The following C1GALT1 variants were observed in gnomAD, a reference collection of about 807,000 sequenced individuals.
C1GALT1 encodes the protein core 1 synthase, glycoprotein-N-acetylgalactosamine 3-beta-galactosyltransferase 1, also known as glycoprotein-N-acetylgalactosamine 3-beta-galactosyltransferase 1.
Under a neutral mutation model 31.0 loss-of-function variants are expected in C1GALT1, and 11 were observed. That is an observed-to-expected ratio of 0.36 (90% confidence interval 0.22 to 0.59). The LOEUF (loss-of-function observed/expected upper bound fraction) is 0.59, where lower values mean the gene tolerates loss of function less well. C1GALT1 is among the 20% of genes least tolerant of loss of function. The pLI, the probability that C1GALT1 is intolerant of heterozygous loss-of-function variation, is 0.79. For missense variants in C1GALT1, 424 were observed against 425.2 expected, an observed-to-expected ratio of 1.00 and a Z score of 0.03; for synonymous variants, 175 against 143.6, an observed-to-expected ratio of 1.22 and a Z score of -1.56.
At chr7:7,220,339 T>G (rs1782454857) in intron 1 of C1GALT1, among the ~76,000 whole-genome samples, 1 of 152,166 alleles carries the variant, frequency 6.6e-6, no homozygotes, top group Admixed American at 6.5e-5. Flanking sequence ...TAGAGTTGAG[T>G]GTTCTTTTTA....
chr7:7,159,289 AC>A (rs1780306602), intron 2 of C1GALT1, among the ~76,000 whole-genome samples: 1 of 152,142 alleles, frequency 6.6e-6, no homozygotes, highest in Non-Finnish European at 1.5e-5. Flanking sequence ...AATATTGACC[AC>A]CTTTTCTCTA....
intron 1 of C1GALT1, among the ~76,000 whole-genome samples, chr7:7,214,558 G>A (rs1000173015): frequency 6.6e-6 from 1 of 152,156 alleles, no homozygotes; most frequent in South Asian, 2.1e-4. Context: ...AAGCAGTTAA[G>A]ATTTTCGGCT....
At chr7:7,165,622 CT>C (rs1780384620) in intron 2 of C1GALT1, among the ~76,000 whole-genome samples, 1 of 152,054 alleles carries the variant, frequency 6.6e-6, no homozygotes, top group Non-Finnish European at 1.5e-5. Flanking sequence ...AAGGCATGTA[CT>C]GCTATATCTT....
At chr7:7,212,576 C>T (rs963886971) in intron 1 of C1GALT1, among the ~76,000 whole-genome samples, 1 of 152,132 alleles carries the variant, frequency 6.6e-6, no homozygotes, top group African/African-American at 2.4e-5. Flanking sequence ...TTAGTGTGAT[C>T]AACAAGGCTG....
At chr7:7,232,511 G>C (rs78048011) in intron 1 of C1GALT1, among the ~76,000 whole-genome samples, 1 of 86,938 alleles carries the variant, frequency 1.2e-5, no homozygotes, top group Non-Finnish European at 2.4e-5. Flanking sequence ...TTTTTTTTTT[G>C]AGACAGAGTC....
intron 1 of C1GALT1, among the ~76,000 whole-genome samples, chr7:7,215,261 CA>C (rs1375809568): frequency 1.3e-5 from 2 of 152,148 alleles, no homozygotes; most frequent in Non-Finnish European, 2.9e-5. Flanking sequence ...TTGACAGAAC[CA>C]TACAGAAAGA....
intron 1 of C1GALT1, among the ~76,000 whole-genome samples, chr7:7,206,731 G>A (rs1383273247): frequency 2.0e-5 from 3 of 149,326 alleles, no homozygotes; most frequent in Non-Finnish European, 3.0e-5. Flanking sequence ...GACGGTTTTT[G>A]TGGATGTAGG....
chr7:7,224,785 G>T (rs1782678436), intron 1 of C1GALT1, among the ~76,000 whole-genome samples: 5 of 152,034 alleles, frequency 3.3e-5, no homozygotes, highest in Middle Eastern at 3.4e-3. Context: ...TTACATTTTA[G>T]GTTCAGGGGT....
chr7:7,184,087 G>T (rs6942455), intron 1 of C1GALT1, among the ~76,000 whole-genome samples: 13,780 of 152,190 alleles, frequency 0.091, 774 homozygotes, highest in East Asian at 0.16. Context: ...GTAAATGGCA[G>T]TTGAGCTTAA....
At chr7:7,200,490 C>G (rs200778504) in intron 1 of C1GALT1, among the ~76,000 whole-genome samples, 1 of 151,818 alleles carries the variant, frequency 6.6e-6, no homozygotes, top group Non-Finnish European at 1.5e-5. Context: ...TTGCTCTTCT[C>G]GAAGAGTATC....
chr7:7,217,793 C>T (rs1782313169), intron 1 of C1GALT1, among the ~76,000 whole-genome samples: 2 of 152,280 alleles, frequency 1.3e-5, no homozygotes, highest in African/African-American at 4.8e-5. Context: ...ACCTTGGCCT[C>T]CTAAAATTCT....
intron 1 of C1GALT1, among the ~76,000 whole-genome samples, chr7:7,198,891 C>G (rs1475410537): frequency 6.6e-6 from 1 of 152,122 alleles, no homozygotes; most frequent in Non-Finnish European, 1.5e-5. Context: ...TGCCCTTTAT[C>G]ATTTTTTATT....
intron 1 of C1GALT1, among the ~76,000 whole-genome samples, chr7:7,226,675 G>A (rs34634503): frequency 2.6e-5 from 4 of 152,070 alleles, no homozygotes; most frequent in African/African-American, 4.8e-5. Flanking sequence ...ATGTGGCACC[G>A]ATTAGCGCCA....
chr7:7,241,039 T>C (rs531300223), intron 3 of C1GALT1, among the ~76,000 whole-genome samples: 32 of 152,160 alleles, frequency 2.1e-4, no homozygotes, highest in African/African-American at 7.2e-4. Context: ...TAATAGACTT[T>C]TCACCAGAGA....
chr7:7,164,177 T>A (rs1201001035), intron 2 of C1GALT1, among the ~76,000 whole-genome samples: 1 of 152,148 alleles, frequency 6.6e-6, no homozygotes, highest in Non-Finnish European at 1.5e-5. Flanking sequence ...TCTACAACTA[T>A]CTGATCTTTG....
chr7:7,160,397 G>A (rs956523332), intron 2 of C1GALT1, among the ~76,000 whole-genome samples: 2 of 152,086 alleles, frequency 1.3e-5, no homozygotes, highest in African/African-American at 2.4e-5. Context: ...GATGTACAAG[G>A]GGACAGATAA....
chr7:7,191,722 G>C (rs761696679), intron 1 of C1GALT1, among the ~76,000 whole-genome samples: 5 of 152,102 alleles, frequency 3.3e-5, no homozygotes, highest in Non-Finnish European at 5.9e-5. Context: ...TTTTGCTAAT[G>C]ATTAGAGATG....
chr7:7,245,333 A>C lies in C1GALT1; in HGVS notation c.*1606A>C, dbSNP rs1267325321. 4 of 152,326 alleles carry C rather than the reference A, an allele frequency of 2.6e-5. No individual in the cohort carries two copies. The highest frequency in any genetic ancestry group is 6.5e-5 in the Admixed American group (1 of 15,282). The allele number at this position is 152,326 out of a possible 1,614,324, so 9.4% of individuals were successfully genotyped here. ...GCGGGGATTACAGGCACGCGCTGCCACGCCCCGCCAGTTTTCATATTTTTA... is the reference window on the plus strand; with the variant it reads ...GCGGGGATTACAGGCACGCGCTGCCCCGCCCCGCCAGTTTTCATATTTTTA... On this transcript the variant is annotated 3_prime_UTR_variant, in exon 4 of 4. Coordinates refer to ENST00000436587, the MANE Select transcript of C1GALT1 (RefSeq NM_020156.5).
intron 1 of C1GALT1, among the ~76,000 whole-genome samples, chr7:7,212,488 C>T (rs139729606): frequency 0.016 from 2,450 of 152,280 alleles, 160 homozygotes; most frequent in Admixed American, 0.12. Context: ...TACAGTTAGT[C>T]TCCAAATTAT....
Sources: gnomAD v4.1 joint callset for allele counts (sites outside exome capture counted in the v4.1 genomes callset) on GRCh38, gnomAD v4.1.1 for gene constraint, MANE v1.5 for transcripts, NCBI Gene and HGNC (gene_info 2026-07-23, HGNC 2026-07-21) for gene names.